The following GRIA1 variants were observed in gnomAD, a reference collection of about 807,000 sequenced individuals.
GRIA1 encodes the protein glutamate receptor 1.
GRIA1 carries 31 observed loss-of-function variants against 99.2 expected under a neutral mutation model. The observed-to-expected ratio is 0.31, with a 90% confidence interval of 0.23 to 0.42. The LOEUF (loss-of-function observed/expected upper bound fraction) is 0.42. Among genes scored for constraint, GRIA1 ranks in the 10% least tolerant of loss-of-function variants. The pLI, the probability that GRIA1 is intolerant of heterozygous loss-of-function variation, is 1.00. For missense variants in GRIA1, 782 were observed against 1,157.5 expected, an observed-to-expected ratio of 0.68 and a Z score of 4.71; for synonymous variants, 438 against 432.4, an observed-to-expected ratio of 1.01 and a Z score of -0.16.
chr5:153,706,900 G>T lies in GRIA1; in HGVS notation c.1823+833G>T, dbSNP rs1038666998. On this transcript the variant is annotated intron_variant, in intron 11 of 15. Transcript: ENST00000285900. Reference sequence around the variant, plus strand: ...ACTTGAGATCAGGAGTTCGAGACCAGCCTGGCCAACATGGTGAAACCCTGT... The same window carrying T: ...ACTTGAGATCAGGAGTTCGAGACCATCCTGGCCAACATGGTGAAACCCTGT... 2.6e-5 allele frequency among the ~76,000 whole-genome samples: 4 copies of T among 152,208 alleles called. No homozygotes were observed. The South Asian group carries it at 8.3e-4, about 32-fold the overall frequency.
intron 5 of GRIA1, among the ~76,000 whole-genome samples, chr5:153,665,805 A>G (rs11952393): frequency 8.0e-4 from 122 of 152,310 alleles, no homozygotes; most frequent in African/African-American, 2.9e-3. Context: ...CAGAGCTACT[A>G]TGGTGGAAAA....
intron 2 of GRIA1, among the ~76,000 whole-genome samples, chr5:153,540,081 A>G (rs1309479316): frequency 6.6e-6 from 1 of 152,204 alleles, no homozygotes; most frequent in Non-Finnish European, 1.5e-5. Flanking sequence ...TGGCCAAATG[A>G]CAGCTGTGGT....
chr5:153,677,811 G>A (rs1756697929), intron 7 of GRIA1, among the ~76,000 whole-genome samples: 1 of 152,198 alleles, frequency 6.6e-6, no homozygotes, highest in Non-Finnish European at 1.5e-5. Flanking sequence ...TGGTACATGT[G>A]GGTGTATATT....
At chr5:153,713,367 G>A (rs548545722) in intron 11 of GRIA1, among the ~76,000 whole-genome samples, 12 of 152,266 alleles carry the variant, frequency 7.9e-5, no homozygotes, top group Non-Finnish European at 1.8e-4. Flanking sequence ...AGGTGATTCT[G>A]CAGTCATGGC....
At chr5:153,552,123 C>A (rs1334877081) in intron 2 of GRIA1, among the ~76,000 whole-genome samples, 1 of 151,700 alleles carries the variant, frequency 6.6e-6, no homozygotes, top group Non-Finnish European at 1.5e-5. Context: ...TGGATTGCAT[C>A]CAGTGATTTT....
intron 5 of GRIA1, among the ~76,000 whole-genome samples, chr5:153,664,976 T>A (rs1222871549): frequency 6.6e-6 from 1 of 152,194 alleles, no homozygotes; most frequent in Non-Finnish European, 1.5e-5. Flanking sequence ...GCAATTGGTT[T>A]TAAGTCCACT....
intron 2 of GRIA1, among the ~76,000 whole-genome samples, chr5:153,621,881 G>A (rs1227829679): frequency 6.6e-6 from 1 of 152,134 alleles, no homozygotes; most frequent in East Asian, 1.9e-4. Flanking sequence ...CCTTCAGCAA[G>A]GTCCTACAGC....
At chr5:153,533,944 G>A (rs1463747) in intron 2 of GRIA1, among the ~76,000 whole-genome samples, 1 of 152,092 alleles carries the variant, frequency 6.6e-6, no homozygotes, top group Admixed American at 6.5e-5. Flanking sequence ...TGAAAAAAGT[G>A]CAGAGCTAAG....
intron 2 of GRIA1, among the ~76,000 whole-genome samples, chr5:153,646,491 T>C (rs1312914093): frequency 2.0e-5 from 3 of 152,188 alleles, no homozygotes; most frequent in Non-Finnish European, 2.9e-5. Flanking sequence ...GTTCATTAAA[T>C]TTCTGAGCCT....
chr5:153,763,222 A>G (rs1763296937), intron 11 of GRIA1, among the ~76,000 whole-genome samples: 1 of 152,230 alleles, frequency 6.6e-6, no homozygotes, highest in Non-Finnish European at 1.5e-5. Context: ...ATGTAGGAAT[A>G]ACACATATAA....
At position 153,743,568 on chromosome 5, in the gene GRIA1, C is replaced by T. The variant is rs187770858; in HGVS notation, c.1824-20866C>T. ...TCTTGAGGCCATCTCAGATACTTGC[C>T]CATGGCCCCTCCAACTCAGTGATAG... On this transcript the variant is annotated intron_variant, in intron 11 of 15. Transcript: ENST00000285900. Among the ~76,000 whole-genome samples, 4 of 149,472 alleles carry T rather than the reference C, an allele frequency of 2.7e-5. No homozygotes were observed. The Admixed American group carries it at 2.7e-4, about 10-fold the overall frequency.
chr5:153,593,839 C>T (rs1430251931), intron 2 of GRIA1, among the ~76,000 whole-genome samples: 1 of 152,206 alleles, frequency 6.6e-6, no homozygotes, highest in Non-Finnish European at 1.5e-5. Flanking sequence ...CTCTATATCT[C>T]ATTCTTCCTC....
intron 2 of GRIA1, among the ~76,000 whole-genome samples, chr5:153,546,741 A>G (rs1221461909): frequency 6.6e-6 from 1 of 152,180 alleles, no homozygotes; most frequent in African/African-American, 2.4e-5. Context: ...ACATTGTCCT[A>G]TTGCACAACT....
At chr5:153,634,781 G>C (rs1371739461) in intron 2 of GRIA1, among the ~76,000 whole-genome samples, 1 of 152,170 alleles carries the variant, frequency 6.6e-6, no homozygotes, top group Non-Finnish European at 1.5e-5. Flanking sequence ...AAATGATTCA[G>C]CTTTTCTTCT....
intron 13 of GRIA1, among the ~76,000 whole-genome samples, chr5:153,788,815 C>G (rs563342324): frequency 2.6e-5 from 4 of 152,186 alleles, no homozygotes; most frequent in Non-Finnish European, 4.4e-5. Flanking sequence ...GGGTTTATGG[C>G]AAAGTATTAT....
At chr5:153,631,645 A>G (rs1752973008) in intron 2 of GRIA1, among the ~76,000 whole-genome samples, 1 of 152,196 alleles carries the variant, frequency 6.6e-6, no homozygotes, top group Non-Finnish European at 1.5e-5. Context: ...AGTGCCTTCA[A>G]GTTCCTGATA....
rs760957944 is a variant in GRIA1 at position 153,764,462 on chromosome 5, G to A, written c.1852G>A (p.Val618Ile). 5.6e-6 allele frequency: 9 copies of A among 1,613,972 alleles called. No homozygotes were observed. Among genetic ancestry groups the A allele is most frequent in the South Asian group, 1.1e-5 (1 of 91,084 alleles). ...RSLSGRIVGG[V>I]WWFFTLIIIS... ...CCTGTCTGGTCGCATCGTTGGTGGC[G>A]TCTGGTGGTTCTTCACCTTAATCAT... Residue 618 changes from valine (V) to isoleucine (I), a missense_variant, in exon 12 of 16, where the codon GTC becomes ATC. Val to Ile is a conservative substitution (Grantham distance 29). Around this residue, in one of 5 missense-constraint regions of GRIA1, gnomAD observed 119 missense variants for 326.6 expected, o/e 0.36. Transcript: ENST00000285900.
chr5:153,793,680 A>G (rs893601848), intron 13 of GRIA1, among the ~76,000 whole-genome samples: 5 of 152,198 alleles, frequency 3.3e-5, no homozygotes, highest in African/African-American at 1.2e-4. Context: ...TTGTCCATAG[A>G]GAAATTTAGA....
intron 7 of GRIA1, among the ~76,000 whole-genome samples, chr5:153,682,399 A>G (rs1041942702): frequency 2.6e-5 from 4 of 152,172 alleles, no homozygotes; most frequent in Non-Finnish European, 5.9e-5. Context: ...TGCTTGACCA[A>G]ACTTTAGTCA....
Sources: gnomAD v4.1 joint callset for allele counts (sites outside exome capture counted in the v4.1 genomes callset) on GRCh38, gnomAD v4.1.1 for gene constraint, gnomAD v4.1.1 regional missense constraint, MANE v1.5 for transcripts, NCBI Gene and HGNC (gene_info 2026-07-23, HGNC 2026-07-21) for gene names.